The following GASK1B variants were observed in gnomAD, a reference collection of about 807,000 sequenced individuals.
GASK1B encodes Golgi-associated kinase 1B.
GASK1B carries 34 observed loss-of-function variants against 42.8 expected under a neutral mutation model. The ratio of observed to expected loss-of-function variants is 0.79; its 90% CI spans 0.60 to 1.06. The LOEUF is 1.06. GASK1B is among the 50% of genes least tolerant of loss of function. The probability of loss-of-function intolerance (pLI) is 0.00; values close to 1 mark genes in which losing one functional copy is unlikely to be tolerated. For synonymous variants in GASK1B, 262 were observed against 259.1 expected, an observed-to-expected ratio of 1.01 and a Z score of -0.11; for missense variants, 686 against 661.0, an observed-to-expected ratio of 1.04 and a Z score of -0.42.
chr4:158,152,151 G>C (rs192102503), intron 3 of GASK1B, among the ~76,000 whole-genome samples: 145 of 152,276 alleles, frequency 9.5e-4, no homozygotes, highest in African/African-American at 3.4e-3. Context: ...TTTGGCCACA[G>C]ACTGAATGCT....
At position 158,130,841 on chromosome 4, in the gene GASK1B, A is replaced by T; in HGVS notation, c.1297T>A (p.Phe433Ile). The T allele has an allele frequency of 6.2e-7, 1 of 1,613,934 alleles. No homozygotes were observed. The highest frequency in any genetic ancestry group is 8.5e-7 in the Non-Finnish European group (1 of 1,179,962). ...RHLVFIDNKG[F>I]FDRSEDNLNF... ...AAGTTATCTTCACTCCTGTCAAAGA[A>T]ACCCTTGTTGTCTATAAAAACCAAA... Residue 433 changes from phenylalanine to isoleucine, a missense_variant, in exon 4 of 5, where the codon TTC (phenylalanine) becomes ATC (isoleucine). Phe to Ile is a conservative substitution (Grantham distance 21). Transcript: ENST00000585682.
chr4:158,136,667 G>C (rs1287208880), intron 3 of GASK1B, among the ~76,000 whole-genome samples: 1 of 152,190 alleles, frequency 6.6e-6, no homozygotes, highest in African/African-American at 2.4e-5. Context: ...GTCTAAGTGA[G>C]GGTATAATCA....
At chr4:158,146,236 A>G (rs372710982) in intron 3 of GASK1B, among the ~76,000 whole-genome samples, 1 of 152,224 alleles carries the variant, frequency 6.6e-6, no homozygotes, top group Admixed American at 6.5e-5. Flanking sequence ...TGAAAAAGAC[A>G]GGGACTTGCC....
chr4:158,141,143 T>A (rs959469874), intron 3 of GASK1B, among the ~76,000 whole-genome samples: 1 of 152,100 alleles, frequency 6.6e-6, no homozygotes, highest in South Asian at 2.1e-4. Context: ...TCTCTAAGCA[T>A]GAGTGCTAGA....
intron 3 of GASK1B, among the ~76,000 whole-genome samples, chr4:158,150,938 CTG>C (rs1448291893): frequency 1.3e-5 from 2 of 152,200 alleles, no homozygotes; most frequent in Non-Finnish European, 2.9e-5. Flanking sequence ...GACTGTGACT[CTG>C]TGCTAAACTG....
chr4:158,142,761 A>T (rs1483810676), intron 3 of GASK1B, among the ~76,000 whole-genome samples: 1 of 152,196 alleles, frequency 6.6e-6, no homozygotes, highest in East Asian at 1.9e-4. Context: ...TCTAAATTTG[A>T]TCATCAATTC....
chr4:158,166,705 GT>G (rs1355276798), intron 2 of GASK1B, among the ~76,000 whole-genome samples: 2 of 151,902 alleles, frequency 1.3e-5, no homozygotes, highest in African/African-American at 4.8e-5. Context: ...CATGGTTAAG[GT>G]TTTTTTGTCT....
chr4:158,143,610 C>T (rs534576500), intron 3 of GASK1B, among the ~76,000 whole-genome samples: 6 of 152,100 alleles, frequency 3.9e-5, no homozygotes, highest in African/African-American at 1.2e-4. Flanking sequence ...CATCAAAGTT[C>T]GCTGCTACTT....
rs1009328565 is a variant in GASK1B, at chr4:158,125,717, G to A, written c.*1690C>T. 1.3e-5 allele frequency: 2 copies of A among 152,110 alleles called. No individual in the cohort carries two copies. The highest frequency in any genetic ancestry group is 4.8e-5 in the African/African-American group (2 of 41,424). The allele number at this position is 152,110 out of a possible 1,614,324, so 9.4% of individuals were successfully genotyped here. ...AAATTGAAGAGGAAGATAATCCAAA[G>A]CTCAACTGTCCAGGGGGCGAGCACA... On this transcript the variant is annotated 3_prime_UTR_variant, in exon 5 of 5. Transcript: ENST00000585682.
intron 3 of GASK1B, among the ~76,000 whole-genome samples, chr4:158,133,173 T>A (rs1730747682): frequency 1.3e-5 from 2 of 152,184 alleles, no homozygotes; most frequent in African/African-American, 2.4e-5. Context: ...AAAACTAACT[T>A]TTCTATAAGC....
In GASK1B at chr4:158,127,390, G is replaced by C. The variant is rs1346124720; in HGVS notation, c.*17C>G. ...ATGCATAAATATATCTAACACCCTA[G>C]CCAGAAGATTCTTTTGTCATTCATT... is the stretch of plus-strand genomic sequence containing the variant. On this transcript the variant is annotated 3_prime_UTR_variant, in exon 5 of 5. Transcript: ENST00000585682. 7 of 1,604,500 alleles carry C rather than the reference G, an allele frequency of 4.4e-6. No individual in the cohort carries two copies.
intron 2 of GASK1B, among the ~76,000 whole-genome samples, chr4:158,168,041 G>A (rs1457000316): frequency 6.6e-6 from 1 of 152,172 alleles, no homozygotes; most frequent in Non-Finnish European, 1.5e-5. Context: ...ATTACATTGT[G>A]TAGAGTATTC....
At chr4:158,132,392 A>ATCATTTAT (rs965677110) in intron 3 of GASK1B, among the ~76,000 whole-genome samples, 2 of 152,200 alleles carry the variant, frequency 1.3e-5, no homozygotes, top group Non-Finnish European at 2.9e-5. Flanking sequence ...CTTTGGAATG[A>ATCATTTAT]TCATTTATTC....
chr4:158,170,703 G>C lies in GASK1B; in HGVS notation c.673C>G (p.Arg225Gly), dbSNP rs1451120583. ...GCCACTGCGCTGTCCGCCAAGAGTC[G>C]CATTCTTCGGATGTCATCTTTGCTC... Reference protein sequence around the residue: ...WLSKDDIRRMRLLADSAVAGL... With the variant: ...WLSKDDIRRMGLLADSAVAGL... The change falls in exon 2 of 5, where the codon CGA (arginine) becomes GGA (glycine). Residue 225 changes from arginine (R) to glycine (G), a missense_variant. Transcript: ENST00000585682. The C allele has an allele frequency of 6.2e-7, 1 of 1,614,186 alleles. No individual in the cohort carries two copies. Among genetic ancestry groups the C allele is most frequent in the Non-Finnish European group, 8.5e-7 (1 of 1,180,056 alleles).
At chr4:158,169,970 G>C in intron 2 of GASK1B, 1 of 435,124 alleles carries the variant, frequency 2.3e-6, no homozygotes. Flanking sequence ...GAAAAAAAAA[G>C]GGGGGGTTAA....
intron 2 of GASK1B, 21 bp downstream of exon 2, chr4:158,170,445 C>G (rs202013202): frequency 1.1e-5 from 17 of 1,614,054 alleles, no homozygotes. Flanking sequence ...CTGCAAATAA[C>G]GAAGCATGTG....
At chr4:158,169,615 CA>C (rs1383419799) in intron 2 of GASK1B, 3 of 152,312 alleles carry the variant, frequency 2.0e-5, no homozygotes, top group Non-Finnish European at 4.4e-5. Context: ...AATCTGGATT[CA>C]AAGTTGTAAC....
rs1579004970 is a variant in GASK1B, at chr4:158,129,716, C to T, written c.1352+1070G>A. Among the ~76,000 whole-genome samples, 3 of 152,266 alleles carry T rather than the reference C, an allele frequency of 2.0e-5. No homozygotes were observed. In the East Asian group the frequency reaches 5.8e-4, roughly 29 times the overall value. On this transcript the variant is annotated intron_variant, in intron 4 of 4. Coordinates refer to ENST00000585682, the MANE Select transcript of GASK1B (RefSeq NM_001128424.2). Reference sequence around the variant, plus strand: ...CTTGGGTTCTAACCTCAATTTGAGACTTGCTCATGAGGTTTCCAGCAGTCA... The same window carrying T: ...CTTGGGTTCTAACCTCAATTTGAGATTTGCTCATGAGGTTTCCAGCAGTCA...
At chr4:158,151,363 T>C (rs1442407120) in intron 3 of GASK1B, among the ~76,000 whole-genome samples, 1 of 152,178 alleles carries the variant, frequency 6.6e-6, no homozygotes, top group Non-Finnish European at 1.5e-5. Flanking sequence ...GTATGGAATG[T>C]TGGAAAGAAG....
Sources: allele counts gnomAD v4.1 joint callset (sites outside exome capture counted in the v4.1 genomes callset), GRCh38; gene constraint gnomAD v4.1.1; transcripts MANE v1.5; gene names NCBI Gene and HGNC (gene_info 2026-07-23, HGNC 2026-07-21).